The following TBC1D22A variants were observed in gnomAD, a reference collection of about 807,000 sequenced individuals.
TBC1D22A encodes the protein TBC1 domain family member 22A.
In TBC1D22A, 38 loss-of-function variants were observed where a neutral mutation model predicts 60.2. That is an observed-to-expected ratio of 0.63 (90% CI 0.49 to 0.83). The LOEUF is 0.83. Ranked by LOEUF, TBC1D22A falls within the 40% of genes least tolerant of loss-of-function variation. The probability of loss-of-function intolerance (pLI) is 0.00; values close to 1 mark genes in which losing one functional copy is unlikely to be tolerated. For missense variants in TBC1D22A, 628 were observed against 701.0 expected, an observed-to-expected ratio of 0.90 and a Z score of 1.18; for synonymous variants, 302 against 281.7, an observed-to-expected ratio of 1.07 and a Z score of -0.72.
intron 12 of TBC1D22A, among the ~76,000 whole-genome samples, chr22:47,121,440 A>G (rs765360831): frequency 6.6e-6 from 1 of 152,232 alleles, no homozygotes; most frequent in Admixed American, 6.5e-5. Flanking sequence ...GTTATGGTAC[A>G]TGGCTGGTTA....
intron 12 of TBC1D22A, among the ~76,000 whole-genome samples, chr22:47,125,490 G>A (rs770315444): frequency 2.2e-4 from 33 of 152,214 alleles, no homozygotes; most frequent in Non-Finnish European, 3.1e-4. Flanking sequence ...TGATAATGCA[G>A]TAGAATTGGA....
chr22:46,843,897 AG>A (rs890515274), intron 4 of TBC1D22A, among the ~76,000 whole-genome samples: 26 of 152,196 alleles, frequency 1.7e-4, no homozygotes, highest in African/African-American at 6.3e-4. Context: ...CGGGAAGGAC[AG>A]CTGCCTTCCA....
chr22:46,993,099 G>A (rs960058460), intron 9 of TBC1D22A, among the ~76,000 whole-genome samples: 2 of 152,196 alleles, frequency 1.3e-5, no homozygotes, highest in African/African-American at 2.4e-5. Context: ...TAACTTCTCC[G>A]TGAGCTGGCA....
At chr22:47,021,893 C>T (rs1298888826) in intron 10 of TBC1D22A, among the ~76,000 whole-genome samples, 1 of 152,220 alleles carries the variant, frequency 6.6e-6, no homozygotes, top group Non-Finnish European at 1.5e-5. Context: ...GGAACTGCCA[C>T]CCGCTTGCCA....
chr22:46,919,436 CGACTAATATTGTTTCCATTTTT>C (rs1569222149), intron 8 of TBC1D22A, among the ~76,000 whole-genome samples: 1 of 152,140 alleles, frequency 6.6e-6, no homozygotes, highest in Admixed American at 6.6e-5. Context: ...TTTCATTTTT[CGACTAATATTGTTTCCATTTTT>C]GACTAATATT....
At chr22:47,139,600 C>G (rs1424590117) in intron 12 of TBC1D22A, among the ~76,000 whole-genome samples, 1 of 152,200 alleles carries the variant, frequency 6.6e-6, no homozygotes, top group Non-Finnish European at 1.5e-5. Context: ...GGAGCGTGGC[C>G]CACTGGGACA....
At chr22:46,801,268 A>C (rs2084884055) in intron 4 of TBC1D22A, among the ~76,000 whole-genome samples, 1 of 152,262 alleles carries the variant, frequency 6.6e-6, no homozygotes, top group African/African-American at 2.4e-5. Flanking sequence ...TTTATAAGGC[A>C]GTTAAGATAG....
intron 8 of TBC1D22A, among the ~76,000 whole-genome samples, chr22:46,944,082 C>T (rs2072353735): frequency 6.6e-6 from 1 of 152,180 alleles, no homozygotes; most frequent in East Asian, 1.9e-4. Flanking sequence ...ATTGCTGGTT[C>T]ATATGGGAAT....
chr22:46,891,468 T>G, intron 6 of TBC1D22A, 74 bp downstream of exon 6: 2 of 1,480,332 alleles, frequency 1.4e-6, no homozygotes, highest in Non-Finnish European at 1.8e-6. Context: ...AGGAAATGTT[T>G]TATCAAAACC....
chr22:46,981,491 CAT>C (rs1443790899), intron 9 of TBC1D22A, among the ~76,000 whole-genome samples: 1 of 152,202 alleles, frequency 6.6e-6, no homozygotes, highest in Non-Finnish European at 1.5e-5. Flanking sequence ...TAATCCCCCA[CAT>C]GTCAAGGCAG....
At position 46,995,982 on chromosome 22, in the gene TBC1D22A, G is replaced by A. The variant is rs2075109593; in HGVS notation, c.1126-1652G>A. ...TCGACTTCCCTCCTGGGCTCTGAAT[G>A]CCGGGTGCCACGTGGACAGCTGCCC... On this transcript the variant is annotated intron_variant, in intron 9 of 12. Transcript: ENST00000337137. Among the ~76,000 whole-genome samples the A allele has an allele frequency of 2.0e-5, 3 of 152,232 alleles. No homozygotes were observed. In the South Asian group the frequency reaches 6.2e-4, roughly 32 times the overall value.
chr22:46,915,334 G>A, intron 8 of TBC1D22A: 1 of 448,962 alleles, frequency 2.2e-6, no homozygotes, highest in South Asian at 1.6e-5. Flanking sequence ...GGGTCTTCAA[G>A]CCGGTAAACC....
chr22:47,158,839 G>C (rs901133906), intron 12 of TBC1D22A, among the ~76,000 whole-genome samples: 1 of 152,070 alleles, frequency 6.6e-6, no homozygotes, highest in Non-Finnish European at 1.5e-5. Flanking sequence ...CAGGACCTGC[G>C]TCCAGAAAGG....
intron 1 of TBC1D22A, among the ~76,000 whole-genome samples, chr22:46,769,922 G>A (rs544787815): frequency 1.3e-5 from 2 of 152,220 alleles, no homozygotes; most frequent in African/African-American, 2.4e-5. Context: ...GCTGGGGGTC[G>A]AGGTGATCTC....
chr22:47,121,080 A>C (rs1441970208), intron 12 of TBC1D22A, among the ~76,000 whole-genome samples: 1 of 152,262 alleles, frequency 6.6e-6, no homozygotes. Flanking sequence ...CTCATAGAAA[A>C]TGGATGAGGA....
chr22:46,878,114 A>G (rs971862122), intron 4 of TBC1D22A, among the ~76,000 whole-genome samples: 16 of 152,066 alleles, frequency 1.1e-4, no homozygotes, highest in African/African-American at 3.1e-4. Context: ...CACATCCTTA[A>G]TTAATGGTGT....
At chr22:47,124,085 C>T (rs902704791) in intron 12 of TBC1D22A, among the ~76,000 whole-genome samples, 6 of 152,132 alleles carry the variant, frequency 3.9e-5, no homozygotes, top group Admixed American at 2.0e-4. Context: ...TAGGCCTCCC[C>T]GAAGAGGGGT....
chr22:46,776,857 T>C (rs1337101367), intron 1 of TBC1D22A, among the ~76,000 whole-genome samples: 4 of 151,746 alleles, frequency 2.6e-5, no homozygotes, highest in Non-Finnish European at 4.4e-5. Flanking sequence ...ACAGGCCTCA[T>C]AGGACCTGAA....
intron 4 of TBC1D22A, among the ~76,000 whole-genome samples, chr22:46,827,164 G>T (rs1457742363): frequency 1.3e-5 from 2 of 152,184 alleles, no homozygotes; most frequent in South Asian, 2.1e-4. Context: ...GTGTCCTCAG[G>T]TGAGTGGGGT....
Sources: allele counts gnomAD v4.1 joint callset (sites outside exome capture counted in the v4.1 genomes callset), GRCh38; gene constraint gnomAD v4.1.1; transcripts MANE v1.5; gene names NCBI Gene and HGNC (gene_info 2026-07-23, HGNC 2026-07-21).